The following SNAP47 variants were observed in gnomAD, a reference collection of about 807,000 sequenced individuals.
SNAP47 encodes synaptosomal-associated protein 47.
Under a neutral mutation model 31.4 loss-of-function variants are expected in SNAP47, and 20 were observed. The ratio of observed to expected loss-of-function variants is 0.64; its 90% CI spans 0.45 to 0.93. The LOEUF is 0.93. SNAP47 is among the 40% of genes least tolerant of loss of function. The probability of loss-of-function intolerance (pLI) is 0.00; values close to 1 mark genes in which losing one functional copy is unlikely to be tolerated. For missense variants in SNAP47, 492 were observed against 528.5 expected (o/e 0.93, Z 0.68); for synonymous variants, 194 against 213.4 (o/e 0.91, Z 0.79).
intron 1 of SNAP47, among the ~76,000 whole-genome samples, chr1:227,738,834 G>T (rs1286523016): frequency 1.3e-5 from 2 of 152,214 alleles, no homozygotes; most frequent in African/African-American, 2.4e-5. Context: ...AGTTCCTGCA[G>T]CTCCGTGGTT....
At chr1:227,737,429 G>T (rs1661296117) in intron 1 of SNAP47, among the ~76,000 whole-genome samples, 1 of 152,164 alleles carries the variant, frequency 6.6e-6, no homozygotes, top group African/African-American at 2.4e-5. Flanking sequence ...AGGTTTGGAG[G>T]TCTGATGACA....
chr1:227,755,576 A>G (rs893004798), intron 2 of SNAP47, among the ~76,000 whole-genome samples: 4 of 152,080 alleles, frequency 2.6e-5, no homozygotes, highest in Non-Finnish European at 2.9e-5. Context: ...TAATAGAGAC[A>G]GGGTTTTGCC....
intron 1 of SNAP47, among the ~76,000 whole-genome samples, chr1:227,738,166 T>C (rs1326313931): frequency 2.0e-5 from 3 of 152,072 alleles, no homozygotes; most frequent in Non-Finnish European, 4.4e-5. Flanking sequence ...CTCAGCCTCC[T>C]GAGTAGCGAA....
chr1:227,759,574 G>C, intron 3 of SNAP47, 89 bp downstream of exon 3: 1 of 1,520,326 alleles, frequency 6.6e-7, no homozygotes, highest in Non-Finnish European at 8.9e-7. Flanking sequence ...CCTAACAGAT[G>C]CGTCACCTAG....
chr1:227,740,415 G>A (rs1661515609), intron 1 of SNAP47, among the ~76,000 whole-genome samples: 1 of 152,186 alleles, frequency 6.6e-6, no homozygotes, highest in Non-Finnish European at 1.5e-5. Flanking sequence ...ATGGGTGATG[G>A]GGACAGGATG....
At chr1:227,760,457 A>G (rs955645128) in intron 3 of SNAP47, among the ~76,000 whole-genome samples, 4 of 152,130 alleles carry the variant, frequency 2.6e-5, no homozygotes, top group African/African-American at 7.2e-5. Flanking sequence ...TGGCCATGGT[A>G]CCTTCCCGCA....
chr1:227,750,301 C>T (rs1251766224), intron 2 of SNAP47, among the ~76,000 whole-genome samples: 1 of 152,238 alleles, frequency 6.6e-6, no homozygotes, highest in Non-Finnish European at 1.5e-5. Flanking sequence ...GGCCATGACT[C>T]TGTTTCTCGG....
At chr1:227,732,858 G>A (rs1212101151), upstream of SNAP47, 2 of 1,611,586 alleles carry the variant, frequency 1.2e-6, no homozygotes, top group Non-Finnish European at 1.7e-6. Flanking sequence ...CAGGAGGGTA[G>A]CCTCCATGCG....
intron 1 of SNAP47, among the ~76,000 whole-genome samples, chr1:227,743,043 G>A (rs1036955448): frequency 6.6e-6 from 1 of 152,208 alleles, no homozygotes; most frequent in Admixed American, 6.5e-5. Flanking sequence ...GACCCTGGGG[G>A]TGTAGCTAGG....
intron 3 of SNAP47, 69 bp from the exon 4 acceptor site, chr1:227,766,890 C>T (rs1663442181): frequency 1.9e-6 from 3 of 1,586,670 alleles, no homozygotes; most frequent in Non-Finnish European, 1.7e-6. Context: ...CACGCTCTGC[C>T]ATCCAGAGCA....
Position 227,759,422 on chromosome 1 carries a change from T to G in SNAP47, c.925T>G (p.Leu309Val). The change falls in exon 3 of 5, where the codon TTG (leucine) becomes GTG (valine). Residue 309 changes from leucine (L) to valine (V), a missense_variant. Coordinates refer to ENST00000617596, the MANE Select transcript of SNAP47 (RefSeq NM_053052.4). Reference protein sequence around the residue: ...SKKMELLEDALVLRSARTSSP... With the variant: ...SKKMELLEDAVVLRSARTSSP... ...GAAGATGGAGCTGTTAGAAGATGCA[T>G]TGGTGCTCAGAAGCGCAAGAACCTC... 1 of 1,614,180 alleles carries G rather than the reference T, an allele frequency of 6.2e-7. No individual in the cohort carries two copies.
At chr1:227,767,840 G>A (rs1277529121) in intron 4 of SNAP47, among the ~76,000 whole-genome samples, 1 of 152,234 alleles carries the variant, frequency 6.6e-6, no homozygotes, top group African/African-American at 2.4e-5. Flanking sequence ...TGCATGCACA[G>A]TCGGGTGCAT....
chr1:227,735,254 G>A (rs575178410), upstream of SNAP47: 16 of 1,603,348 alleles, frequency 1.0e-5, no homozygotes, highest in South Asian at 1.1e-5. Context: ...GTCGGCGAGG[G>A]CGCGCGTCTC....
At chr1:227,729,249 G>A (rs1185643446) in intron 1 of SNAP47, among the ~76,000 whole-genome samples, 1 of 152,192 alleles carries the variant, frequency 6.6e-6, no homozygotes, top group African/African-American at 2.4e-5. Context: ...GGAGTGAGAG[G>A]CCCAGGTCCC....
intron 3 of SNAP47, among the ~76,000 whole-genome samples, chr1:227,760,266 C>T (rs1054991483): frequency 6.6e-6 from 1 of 152,232 alleles, no homozygotes; most frequent in Admixed American, 6.5e-5. Context: ...TTACTGGCAC[C>T]ATCTCCACTT....
At chr1:227,739,910 A>G (rs935248751) in intron 1 of SNAP47, among the ~76,000 whole-genome samples, 1 of 152,228 alleles carries the variant, frequency 6.6e-6, no homozygotes, top group Non-Finnish European at 1.5e-5. Flanking sequence ...TGCAACAGGC[A>G]GGGACACCGT....
intron 4 of SNAP47, among the ~76,000 whole-genome samples, chr1:227,768,696 C>T (rs1427728472): frequency 6.6e-6 from 1 of 152,202 alleles, no homozygotes; most frequent in East Asian, 1.9e-4. Flanking sequence ...TCCTAGTCAC[C>T]TTCAGATACA....
At chr1:227,760,232 G>A (rs1662977593) in intron 3 of SNAP47, among the ~76,000 whole-genome samples, 1 of 152,204 alleles carries the variant, frequency 6.6e-6, no homozygotes, top group African/African-American at 2.4e-5. Context: ...TCATTTTGAT[G>A]TGGGAACCAG....
rs1274893759 is a variant in SNAP47 at position 227,763,357 on chromosome 1, A to G, written c.989-3602A>G. Among the ~76,000 whole-genome samples the G allele has an allele frequency of 6.6e-6, 1 of 152,142 alleles. No individual in the cohort carries two copies. The highest frequency in any genetic ancestry group is 2.4e-5 in the African/African-American group (1 of 41,412). On this transcript the variant is annotated intron_variant, in intron 3 of 4. Transcript: ENST00000617596. The surrounding 1 kb of genome is among the most constrained non-coding windows in gnomAD (Gnocchi z 4.2). ...CCTGGGCTTCCAGCTCCCTGATGAC[A>G]GCCTTGCCTGTACCTCTGCTTCCCC...
Sources: gnomAD v4.1 joint callset for allele counts (sites outside exome capture counted in the v4.1 genomes callset) on GRCh38, gnomAD v4.1.1 for gene constraint, Gnocchi (gnomAD v3.1) non-coding constraint, MANE v1.5 for transcripts, NCBI Gene and HGNC (gene_info 2026-07-23, HGNC 2026-07-21) for gene names.